CCKAR: variants seen among roughly 807,000 people sequenced by gnomAD.
CCKAR encodes the protein cholecystokinin A receptor.
In CCKAR, 21 loss-of-function variants were observed where a neutral mutation model predicts 29.8. That is an observed-to-expected ratio of 0.70 (90% CI 0.50 to 1.01). The LOEUF (loss-of-function observed/expected upper bound fraction) is 1.01. CCKAR is among the 50% of genes least tolerant of loss of function. The pLI is 0.00. For missense variants in CCKAR, 570 were observed against 560.6 expected (o/e 1.02, Z -0.17); for synonymous variants, 238 against 221.3 (o/e 1.08, Z -0.67).
chr4:26,481,933 C>A lies in CCKAR; in HGVS notation c.992G>T (p.Ser331Ile), dbSNP rs748069548. The change falls in exon 5 of 5, where the codon AGC becomes ATC. Residue 331 changes from serine to isoleucine, a missense_variant. Ser to Ile is a moderately radical substitution (Grantham distance 142, BLOSUM62 -2). Transcript: ENST00000295589. ...LFFLCWMPIF[S>I]ANAWRAYDTA... ...GTCGTAGGCCCGCCAGGCGTTGGCG[C>A]TGAAGATGGGCATCCAGCACAGGAA... The A allele has an allele frequency of 6.2e-7, 1 of 1,614,264 alleles. No homozygotes were observed.
chr4:26,489,432 G>T lies in CCKAR; in HGVS notation c.165C>A (p.Ser55Arg). ...TGATGACCAGCGTGTTTCCCAGCAC[G>T]CTGAGCAGGAATATCAAGGAGTACA... ...ILLYSLIFLLSVLGNTLVITV... is the reference protein window; with the variant it reads ...ILLYSLIFLLRVLGNTLVITV... The change falls in exon 2 of 5, where the codon AGC becomes AGA. Residue 55 changes from serine to arginine, a missense_variant. Physicochemically the swap from Ser to Arg is moderately radical, Grantham distance 110. Coordinates refer to ENST00000295589, the MANE Select transcript of CCKAR (RefSeq NM_000730.3). 1 of 1,614,100 alleles carries T rather than the reference G, an allele frequency of 6.2e-7. No individual in the cohort carries two copies. Among genetic ancestry groups the T allele is most frequent in the East Asian group, 2.2e-5 (1 of 44,872 alleles).
At position 26,482,010 on chromosome 4, in the gene CCKAR, C is replaced by G. The variant is rs114451798; in HGVS notation, c.915G>C (p.Leu305=). The G allele has an allele frequency of 6.9e-5, 112 of 1,614,256 alleles. No homozygotes were observed. In the East Asian group the frequency reaches 2.4e-3, roughly 35 times the overall value. Reference sequence around the variant, plus strand: ...TGCGGATCACCCTTTTCTTGGCCATCAGGTTGGCTGCGGAGCTGTTACTCC... The same window carrying G: ...TGCGGATCACCCTTTTCTTGGCCATGAGGTTGGCTGCGGAGCTGTTACTCC... ...RIRSNSSAAN[L]MAKKRVIRML... Residue 305 remains leucine (L), a synonymous_variant, in exon 5 of 5, where the codon CTG becomes CTC. Coordinates refer to ENST00000295589, the MANE Select transcript of CCKAR (RefSeq NM_000730.3).
intron 3 of CCKAR, among the ~76,000 whole-genome samples, chr4:26,484,706 C>G (rs1737413028): frequency 1.3e-5 from 2 of 152,018 alleles, no homozygotes; most frequent in African/African-American, 2.4e-5. Flanking sequence ...TAAGAAAAAC[C>G]ATGTGGGATT....
intron 4 of CCKAR, 101 bp from the exon 5 acceptor site, chr4:26,482,271 G>A (rs1737367024): frequency 8.8e-7 from 1 of 1,130,290 alleles, no homozygotes; most frequent in Non-Finnish European, 1.3e-6. Context: ...AAACCAAACA[G>A]GAACTGAGAA....
intron 2 of CCKAR, among the ~76,000 whole-genome samples, chr4:26,487,896 TC>T (rs1737479636): frequency 6.6e-6 from 1 of 152,000 alleles, no homozygotes; most frequent in Non-Finnish European, 1.5e-5. Context: ...TTAACAACGA[TC>T]TTTTTCCTTT....
chr4:26,482,490 T>C (rs574597228), intron 4 of CCKAR, among the ~76,000 whole-genome samples: 5 of 152,314 alleles, frequency 3.3e-5, no homozygotes, highest in African/African-American at 1.2e-4. Flanking sequence ...GGTTCCTGCT[T>C]GCTGGGTAAG....
chr4:26,481,767 G>C lies in CCKAR; in HGVS notation c.1158C>G (p.Pro386=), dbSNP rs1411272555. The part of the protein sequence containing the change: ...RFRLGFMATF[P]CCPNPGPPGA... ...CTGGGGGACCAGGATTGGGGCAGCAGGGGAAGGTGGCCATGAAGCCGAGGC... is the reference window on the plus strand; with the variant it reads ...CTGGGGGACCAGGATTGGGGCAGCACGGGAAGGTGGCCATGAAGCCGAGGC... Residue 386 remains proline, a synonymous_variant, in exon 5 of 5, where the codon CCC becomes CCG. Transcript: ENST00000295589. 1 of 1,614,146 alleles carries C rather than the reference G, an allele frequency of 6.2e-7. No homozygotes were observed. The highest frequency in any genetic ancestry group is 2.2e-5 in the East Asian group (1 of 44,876).
intron 2 of CCKAR, among the ~76,000 whole-genome samples, chr4:26,488,022 C>T (rs1055702701): frequency 2.0e-5 from 3 of 151,872 alleles, no homozygotes; most frequent in Non-Finnish European, 4.4e-5. Context: ...TGTGGAATCC[C>T]ACTTCCTCAA....
At chr4:26,486,203 C>T (rs1311745175) in intron 2 of CCKAR, among the ~76,000 whole-genome samples, 1 of 152,098 alleles carries the variant, frequency 6.6e-6, no homozygotes, top group African/African-American at 2.4e-5. Flanking sequence ...AATTAATAAC[C>T]AAGGGGATGA....
chr4:26,490,396 A>C lies in CCKAR; in HGVS notation c.-129T>G, dbSNP rs181156950. On this transcript the variant is annotated 5_prime_UTR_variant, in exon 1 of 5. Transcript: ENST00000295589. ...GAGGAGCAGGGAGGGAGTGATTTCC[A>C]GGTGTGGGCTTTTTCAGCCATTCCT... 1.4e-5 allele frequency: 9 copies of C among 652,716 alleles called. No individual in the cohort carries two copies. The East Asian group carries it at 2.6e-4, about 19-fold the overall frequency. The allele number at this position is 652,716 out of a possible 1,614,324, so 40.4% of individuals were successfully genotyped here. A position where few individuals can be genotyped will look rare whatever the true frequency, so the allele number is the denominator to read the frequency against.
chr4:26,487,747 T>G (rs1577708556), intron 2 of CCKAR, among the ~76,000 whole-genome samples: 1 of 152,336 alleles, frequency 6.6e-6, no homozygotes, highest in East Asian at 1.9e-4. Flanking sequence ...GCACTCACAA[T>G]GTTTTGCCAC....
intron 3 of CCKAR, 53 bp downstream of exon 3, chr4:26,485,584 T>C: frequency 6.3e-7 from 1 of 1,595,526 alleles, no homozygotes; most frequent in Non-Finnish European, 8.6e-7. Flanking sequence ...TTTTTCATGA[T>C]ATTGCAAAAT....
chr4:26,484,820 T>C (rs1233051846), intron 3 of CCKAR, among the ~76,000 whole-genome samples: 1 of 139,908 alleles, frequency 7.1e-6, no homozygotes, highest in Non-Finnish European at 1.5e-5. Context: ...GGCGGGAGGA[T>C]CACTTGAGCC....
Position 26,484,324 on chromosome 4 carries a change from G to A in CCKAR, c.627-1041C>T, listed in dbSNP as rs571344128. On this transcript the variant is annotated intron_variant, in intron 3 of 4. Transcript: ENST00000295589. ...TAATTCCTTTGTGTGTGTGCTACTT[G>A]GTTGAAATGAAAGGAGGAAAGCAAA... Among the ~76,000 whole-genome samples the A allele has an allele frequency of 1.2e-4, 18 of 152,268 alleles. No individual in the cohort carries two copies. The South Asian group carries it at 3.7e-3, about 32-fold the overall frequency.
intron 3 of CCKAR, among the ~76,000 whole-genome samples, chr4:26,485,171 G>A (rs560156578): frequency 6.8e-6 from 1 of 146,432 alleles, no homozygotes; most frequent in South Asian, 2.2e-4. Flanking sequence ...TCCAGCCTGG[G>A]CAACAAGAGC....
rs1737351166 is a variant in CCKAR at position 26,481,806 on chromosome 4, C to T, written c.1119G>A (p.Met373Ile). The T allele has an allele frequency of 6.2e-7, 1 of 1,613,618 alleles. No individual in the cohort carries two copies. The highest frequency in any genetic ancestry group is 1.7e-5 in the Admixed American group (1 of 59,956). The stretch of plus-strand genomic sequence containing the variant: ...TGAAGCCGAGGCGGAAGCGTTTGTT[C>T]ATGAAGCAGTAGATGATGGGGTTGA... ...SCVNPIIYCF[M>I]NKRFRLGFMA... Residue 373 changes from methionine (M) to isoleucine (I), a missense_variant, in exon 5 of 5, where the codon ATG (methionine) becomes ATA (isoleucine). Physicochemically the swap from Met to Ile is conservative, Grantham distance 10. Transcript: ENST00000295589.
intron 2 of CCKAR, among the ~76,000 whole-genome samples, chr4:26,487,832 A>G (rs566147526): frequency 2.6e-4 from 40 of 152,140 alleles, no homozygotes; most frequent in Admixed American, 9.2e-4. Flanking sequence ...CATAAGATAT[A>G]TATGGATGGG....
chr4:26,488,681 C>T (rs566379444), intron 2 of CCKAR, among the ~76,000 whole-genome samples: 26 of 152,224 alleles, frequency 1.7e-4, no homozygotes, highest in African/African-American at 5.5e-4. Flanking sequence ...AGAGATGGCC[C>T]CAGCTTTGGG....
Position 26,483,175 on chromosome 4 carries a change from G to A in CCKAR, c.735C>T (p.Ser245=). Residue 245 remains serine (S), a synonymous_variant, in exon 4 of 5, where the codon AGC becomes AGT. Coordinates refer to ENST00000295589, the MANE Select transcript of CCKAR (RefSeq NM_000730.3). ...AGTTACCTTTAGCAGACTTCTTCTGGCTAGCCTCAAATTTTATTCCCTGGT... is the reference window on the plus strand; with the variant it reads ...AGTTACCTTTAGCAGACTTCTTCTGACTAGCCTCAAATTTTATTCCCTGGT... ...ELYQGIKFEA[S]QKKSAKERKP... 6.2e-7 allele frequency: 1 copy of A among 1,613,604 alleles called. No homozygotes were observed. Among genetic ancestry groups the A allele is most frequent in the Non-Finnish European group, 8.5e-7 (1 of 1,179,814 alleles).
Sources: gnomAD v4.1 joint callset for allele counts (sites outside exome capture counted in the v4.1 genomes callset) on GRCh38, gnomAD v4.1.1 for gene constraint, MANE v1.5 for transcripts, NCBI Gene and HGNC (gene_info 2026-07-23, HGNC 2026-07-21) for gene names.